Variants in DSG3 observed in about 807,000 individuals in gnomAD.
The protein encoded by DSG3 is desmoglein 3, also known as desmoglein-3.
Under a neutral mutation model 85.9 loss-of-function variants are expected in DSG3, and 63 were observed. The observed-to-expected ratio is 0.73, with a 90% confidence interval of 0.60 to 0.90. The LOEUF is 0.90. Among genes scored for constraint, DSG3 ranks in the 40% least tolerant of loss-of-function variants. The probability of loss-of-function intolerance (pLI) is 0.00; values close to 1 mark genes in which losing one functional copy is unlikely to be tolerated. For synonymous variants in DSG3, 447 were observed against 441.9 expected (o/e 1.01, Z -0.14); for missense variants, 1,220 against 1,219.9 (o/e 1.00, Z 0.00).
rs200664227 is a variant in DSG3, at chr18:31,459,025, G to C, written c.373-8G>C. 2 of 1,612,772 alleles carry C rather than the reference G, an allele frequency of 1.2e-6. No individual in the cohort carries two copies. Among genetic ancestry groups the C allele is most frequent in the Non-Finnish European group, 1.7e-6 (2 of 1,179,706 alleles). Reference sequence around the variant, plus strand: ...GAGTAATACTCCACATTTTCCCTCTGTTCCTAGATCACATGTCGGGCTCTA... The same window carrying C: ...GAGTAATACTCCACATTTTCCCTCTCTTCCTAGATCACATGTCGGGCTCTA... On this transcript the variant is annotated splice_region_variant and splice_polypyrimidine_tract_variant and intron_variant, in intron 4 of 15. Coordinates refer to ENST00000257189, the MANE Select transcript of DSG3 (RefSeq NM_001944.3).
intron 12 of DSG3, among the ~76,000 whole-genome samples, chr18:31,470,780 C>T (rs1042050299): frequency 2.0e-5 from 3 of 152,092 alleles, no homozygotes; most frequent in Non-Finnish European, 4.4e-5. Flanking sequence ...AAAGGCATTT[C>T]CAAAAATTGA....
At position 31,477,453 on chromosome 18, in the gene DSG3, C is replaced by T. The variant is rs750114938; in HGVS notation, c.*1193C>T. 4.6e-5 allele frequency: 7 copies of T among 152,014 alleles called. No homozygotes were observed. The highest frequency in any genetic ancestry group is 2.1e-4 in the South Asian group (1 of 4,828). The allele number at this position is 152,014 out of a possible 1,614,324, so 9.4% of individuals were successfully genotyped here. A position where few individuals can be genotyped will look rare whatever the true frequency, so the allele number is the denominator to read the frequency against. ...AACATGGCCTTTTTTATAAGCAAAA[C>T]GGGCCAATGACTAGAATAACACATA... On this transcript the variant is annotated 3_prime_UTR_variant, in exon 16 of 16. Coordinates refer to ENST00000257189, the MANE Select transcript of DSG3 (RefSeq NM_001944.3).
In DSG3 at chr18:31,474,247, C is replaced by T. The variant is rs1285486031; in HGVS notation, c.2228C>T (p.Ser743Leu). The T allele has an allele frequency of 5.0e-6, 8 of 1,614,064 alleles. No individual in the cohort carries two copies. The East Asian group carries it at 1.3e-4, about 27-fold the overall frequency. The part of the protein sequence containing the change: ...GAAGFATGTV[S>L]GAASGFGAAT... The stretch of plus-strand genomic sequence containing the variant: ...GCAGGCTTTGCAACAGGGACAGTGT[C>T]AGGAGCTGCTTCAGGATTCGGAGCA... Residue 743 changes from serine (S) to leucine (L), a missense_variant, in exon 15 of 16, where the codon TCA (serine) becomes TTA (leucine). Transcript: ENST00000257189.
chr18:31,470,074 T>C (rs765878163), intron 12 of DSG3, among the ~76,000 whole-genome samples: 3 of 152,144 alleles, frequency 2.0e-5, no homozygotes, highest in Non-Finnish European at 4.4e-5. Context: ...GATAGGTTTC[T>C]GAAAAGTTGT....
Position 31,459,827 on chromosome 18 carries a change from G to T in DSG3, c.518-18G>T. On this transcript the variant is annotated intron_variant, in intron 5 of 15. Transcript: ENST00000257189. The stretch of plus-strand genomic sequence containing the variant: ...AATTGTTACATATTCTTTAATAAAC[G>T]TTTTCCTGTATTCCTAGACTCACTG... 1 of 1,586,948 alleles carries T rather than the reference G, an allele frequency of 6.3e-7. No homozygotes were observed. The highest frequency in any genetic ancestry group is 8.6e-7 in the Non-Finnish European group (1 of 1,164,870).
intron 6 of DSG3, 75 bp from the exon 7 acceptor site, chr18:31,460,758 C>T: frequency 7.7e-7 from 1 of 1,298,402 alleles, no homozygotes; most frequent in Non-Finnish European, 1.1e-6. Context: ...ACCTCCTTAC[C>T]CATAGGAATC....
chr18:31,465,568 A>C, intron 10 of DSG3, 111 bp downstream of exon 10: 1 of 1,061,708 alleles, frequency 9.4e-7, no homozygotes, highest in Non-Finnish European at 1.2e-6. Context: ...GGAGAGAGAG[A>C]ATTATCTTAG....
chr18:31,463,039 C>A (rs2072795875), intron 8 of DSG3, among the ~76,000 whole-genome samples: 1 of 152,160 alleles, frequency 6.6e-6, no homozygotes, highest in Non-Finnish European at 1.5e-5. Flanking sequence ...ACTCTACAGT[C>A]AGCCAGGGTT....
chr18:31,469,969 A>C (rs564561071), intron 12 of DSG3, among the ~76,000 whole-genome samples: 9 of 152,260 alleles, frequency 5.9e-5, no homozygotes, highest in African/African-American at 2.2e-4. Context: ...CATCCCCTTT[A>C]ATACTTTCAC....
intron 7 of DSG3, 122 bp downstream of exon 7, chr18:31,461,083 A>G: frequency 1.6e-6 from 2 of 1,259,562 alleles, no homozygotes; most frequent in Non-Finnish European, 2.1e-6. Context: ...TTAAAGAAAT[A>G]TGCTTTTTAA....
At chr18:31,454,845 T>C (rs2144263371) in intron 1 of DSG3, among the ~76,000 whole-genome samples, 1 of 151,934 alleles carries the variant, frequency 6.6e-6, no homozygotes, top group African/African-American at 2.4e-5. Flanking sequence ...AGATACAAAA[T>C]TAGCCGGGTG....
chr18:31,464,066 A>G (rs781106006), intron 8 of DSG3, 45 bp from the exon 9 acceptor site: 17 of 1,568,756 alleles, frequency 1.1e-5, no homozygotes, highest in Non-Finnish European at 1.4e-5. Flanking sequence ...GGTTTGCGGG[A>G]GTGTATTTTT....
rs2072768782 is a variant in DSG3 at position 31,459,270 on chromosome 18, T to C, written c.517+93T>C. The C allele has an allele frequency of 3.3e-6, 4 of 1,209,844 alleles. No individual in the cohort carries two copies. In the African/African-American group the frequency reaches 4.6e-5, roughly 14 times the overall value. The allele number at this position is 1,209,844 out of a possible 1,614,324, so 74.9% of individuals were successfully genotyped here. A position where few individuals can be genotyped will look rare whatever the true frequency, so the allele number is the denominator to read the frequency against. ...GTCATTCTTATAAACTAATTTATGC[T>C]CTTAGTTTAATCAGTAGTTTTGAAA... On this transcript the variant is annotated intron_variant, in intron 5 of 15. Coordinates refer to ENST00000257189, the MANE Select transcript of DSG3 (RefSeq NM_001944.3).
chr18:31,474,313 C>T lies in DSG3; in HGVS notation c.2294C>T (p.Thr765Ile), dbSNP rs764165133. 1.9e-5 allele frequency: 31 copies of T among 1,614,120 alleles called. No homozygotes were observed. In the South Asian group the frequency reaches 3.0e-4, roughly 15 times the overall value. Reference sequence around the variant, plus strand: ...ATCTGTTCCTCAGGGCAGTCTGGAACCATGAGAACAAGGCATTCCACTGGA... The same window carrying T: ...ATCTGTTCCTCAGGGCAGTCTGGAATCATGAGAACAAGGCATTCCACTGGA... ...VGICSSGQSG[T>I]MRTRHSTGGT... The change falls in exon 15 of 16, where the codon ACC becomes ATC. Residue 765 changes from threonine to isoleucine, a missense_variant. Coordinates refer to ENST00000257189, the MANE Select transcript of DSG3 (RefSeq NM_001944.3).
In DSG3 at chr18:31,476,445, C is replaced by T. The variant is rs1438644477; in HGVS notation, c.*185C>T. On this transcript the variant is annotated 3_prime_UTR_variant, in exon 16 of 16. Coordinates refer to ENST00000257189, the MANE Select transcript of DSG3 (RefSeq NM_001944.3). ...CCCCAAAAGCAATATGTTGTCACTC[C>T]TAATTCTCAAGTACTATTCAAATTG... is the stretch of plus-strand genomic sequence containing the variant. 5.2e-6 allele frequency: 3 copies of T among 581,170 alleles called. No individual in the cohort carries two copies. Among genetic ancestry groups the T allele is most frequent in the Non-Finnish European group, 8.3e-6 (3 of 360,908 alleles). The allele number at this position is 581,170 out of a possible 1,614,324, so 36.0% of individuals were successfully genotyped here.
In DSG3 at chr18:31,458,614, C is replaced by A. The variant is rs144604026; in HGVS notation, c.372+14C>A. On this transcript the variant is annotated intron_variant, in intron 4 of 15. Transcript: ENST00000257189. ...CCAAGCTTCCTGGTAAGTTTGGGTC[C>A]TCAACATTGGGCTACCCTTCTCCTT... The A allele has an allele frequency of 5.1e-3, 8,269 of 1,609,554 alleles. 34 individuals are homozygous for A. Among genetic ancestry groups the A allele is most frequent in the Admixed American group, 9.0e-3 (537 of 59,504 alleles).
intron 1 of DSG3, among the ~76,000 whole-genome samples, chr18:31,452,794 A>T (rs2072719578): frequency 6.6e-6 from 1 of 152,172 alleles, no homozygotes; most frequent in Non-Finnish European, 1.5e-5. Context: ...GTTGGATTTA[A>T]ATTCAGTGAT....
At chr18:31,448,772 A>G (rs1020685813) in intron 1 of DSG3, among the ~76,000 whole-genome samples, 4 of 152,156 alleles carry the variant, frequency 2.6e-5, no homozygotes, top group African/African-American at 7.2e-5. Context: ...TATGGTTTCC[A>G]TGATAAGCTG....
rs2144279511 is a variant in DSG3 at position 31,466,683 on chromosome 18, G to A, written c.1565G>A (p.Gly522Asp). The A allele has an allele frequency of 1.2e-6, 2 of 1,614,140 alleles. No individual in the cohort carries two copies. Among genetic ancestry groups the A allele is most frequent in the East Asian group, 4.5e-5 (2 of 44,878 alleles). The change falls in exon 11 of 16, where the codon GGC becomes GAC. Residue 522 changes from glycine (G) to aspartate (D), a missense_variant. By Grantham distance (94) the Gly-to-Asp change is moderately conservative. Transcript: ENST00000257189. ...AGAACACTGAATAATAGATACACTG[G>A]CCCCTATACATTTGCACTGGAAGAT... Reference protein sequence around the residue: ...SARTLNNRYTGPYTFALEDQP... With the variant: ...SARTLNNRYTDPYTFALEDQP...
Sources: allele counts gnomAD v4.1 joint callset (sites outside exome capture counted in the v4.1 genomes callset), GRCh38; gene constraint gnomAD v4.1.1; transcripts MANE v1.5; gene names NCBI Gene and HGNC (gene_info 2026-07-23, HGNC 2026-07-21).